Variants in NBEAL1 observed in about 807,000 individuals in gnomAD.
The protein encoded by NBEAL1 is neurobeachin-like protein 1.
In NBEAL1, 273 loss-of-function variants were observed where a neutral mutation model predicts 351.3. The observed-to-expected ratio is 0.78, with a 90% CI of 0.70 to 0.86. The LOEUF is 0.86. Ranked by LOEUF, NBEAL1 falls within the 40% of genes least tolerant of loss-of-function variation. The probability of loss-of-function intolerance (pLI) is 0.00; values close to 1 mark genes in which losing one functional copy is unlikely to be tolerated. For missense variants in NBEAL1, 2,961 were observed against 3,201.3 expected (o/e 0.92, Z 1.81); for synonymous variants, 1,050 against 1,086.4 (o/e 0.97, Z 0.66).
chr2:203,032,437 C>G (rs1015574383), intron 2 of NBEAL1, among the ~76,000 whole-genome samples: 1 of 151,748 alleles, frequency 6.6e-6, no homozygotes. Context: ...GCGGGCAGAT[C>G]ATGGGGTCAG....
At chr2:203,169,402 A>AC (rs2064248083) in intron 38 of NBEAL1, among the ~76,000 whole-genome samples, 2 of 150,658 alleles carry the variant, frequency 1.3e-5, no homozygotes, top group Admixed American at 6.6e-5. Context: ...AAAAAAAAAA[A>AC]AAAAAAAAAC....
intron 47 of NBEAL1, 114 bp from the exon 48 acceptor site, chr2:203,197,188 A>G (rs997050685): frequency 2.8e-5 from 16 of 578,918 alleles, no homozygotes; most frequent in Admixed American, 1.2e-4. Context: ...AGATGTTTCA[A>G]GAGAGTAAAA....
chr2:203,213,699 T>G, intron 55 of NBEAL1, 46 bp downstream of exon 55: 1 of 1,609,872 alleles, frequency 6.2e-7, no homozygotes, highest in Non-Finnish European at 8.5e-7. Flanking sequence ...TGTTGGGGAT[T>G]ACTTTGGTTC....
chr2:203,202,286 A>G (rs2065422109), intron 50 of NBEAL1, among the ~76,000 whole-genome samples: 2 of 152,196 alleles, frequency 1.3e-5, no homozygotes, highest in South Asian at 2.1e-4. Flanking sequence ...ATAGTATAGT[A>G]TGTGCAGTTT....
intron 40 of NBEAL1, 65 bp downstream of exon 40, chr2:203,172,088 A>T (rs1170514131): frequency 1.4e-6 from 1 of 717,792 alleles, no homozygotes; most frequent in Non-Finnish European, 2.1e-6. Flanking sequence ...ACATAAGTAT[A>T]TACATGATAC....
chr2:203,083,185 T>G, intron 8 of NBEAL1, 34 bp from the exon 9 acceptor site: 2 of 1,506,938 alleles, frequency 1.3e-6, no homozygotes, highest in Non-Finnish European at 1.8e-6. Flanking sequence ...TTCATTAGGT[T>G]TAGGTTTCAT....
intron 9 of NBEAL1, among the ~76,000 whole-genome samples, chr2:203,083,948 C>T (rs1020382253): frequency 1.4e-5 from 2 of 140,606 alleles, no homozygotes; most frequent in African/African-American, 5.4e-5. Context: ...AGAGGGCCTC[C>T]GTTTTTGTTT....
intron 4 of NBEAL1, 26 bp from the exon 5 acceptor site, chr2:203,056,401 A>T (rs1362015623): frequency 2.2e-6 from 3 of 1,342,004 alleles, no homozygotes; most frequent in Non-Finnish European, 3.1e-6. Flanking sequence ...TCTTATGTAA[A>T]AAATTAAAGT....
Position 203,183,264 on chromosome 2 carries a change from T to G in NBEAL1, c.6596-15T>G. On this transcript the variant is annotated splice_polypyrimidine_tract_variant and intron_variant, in intron 43 of 55. Transcript: ENST00000683969. ...TCTAAAATGATTTGATACATTTTCT[T>G]TTTACATGTCTTAGAATTTAACTTG... 1 of 1,391,094 alleles carries G rather than the reference T, an allele frequency of 7.2e-7. No individual in the cohort carries two copies. The allele number at this position is 1,391,094 out of a possible 1,614,324, so 86.2% of individuals were successfully genotyped here. A position where few individuals can be genotyped will look rare whatever the true frequency, so the allele number is the denominator to read the frequency against.
chr2:203,208,625 T>A lies in NBEAL1; in HGVS notation c.7507-12T>A, dbSNP rs1180831538. ...AACCACCTTTACCTTTGCTTTTCTCTTGTATTATTAGGGAGGTGTTCCTGT... is the reference window on the plus strand; with the variant it reads ...AACCACCTTTACCTTTGCTTTTCTCATGTATTATTAGGGAGGTGTTCCTGT... On this transcript the variant is annotated splice_polypyrimidine_tract_variant and intron_variant, in intron 51 of 55. Coordinates refer to ENST00000683969, the MANE Select transcript of NBEAL1 (RefSeq NM_001378026.1). 6.3e-7 allele frequency: 1 copy of A among 1,584,834 alleles called. No individual in the cohort carries two copies. The highest frequency in any genetic ancestry group is 1.8e-5 in the Admixed American group (1 of 57,058).
Position 203,135,921 on chromosome 2 carries a change from TG to T in NBEAL1, c.4059del (p.Ser1354LeufsTer13). 1 of 1,614,212 alleles carries T rather than the reference TG, an allele frequency of 6.2e-7. No homozygotes were observed. Among genetic ancestry groups the T allele is most frequent in the Non-Finnish European group, 8.5e-7 (1 of 1,180,024 alleles). ...ATCACCTCTTTTGCCTCAGCTAATG[TG>T]TCTTCGGATCAGTGGAGTTTGGAGG... ...EKITSFASAN[V>X]SSDQWSLEDR... On this transcript the variant is annotated frameshift_variant, in exon 28 of 56. Coordinates refer to ENST00000683969, the MANE Select transcript of NBEAL1 (RefSeq NM_001378026.1). LOFTEE classifies it high-confidence loss of function.
At chr2:203,155,837 A>G (rs1327086595) in intron 35 of NBEAL1, among the ~76,000 whole-genome samples, 1 of 151,986 alleles carries the variant, frequency 6.6e-6, no homozygotes, top group African/African-American at 2.4e-5. Context: ...TTTTTCCTGC[A>G]CACCTTTAAA....
chr2:203,104,331 G>A (rs1320688623), intron 12 of NBEAL1, among the ~76,000 whole-genome samples: 2 of 152,158 alleles, frequency 1.3e-5, no homozygotes, highest in Non-Finnish European at 2.9e-5. Context: ...TTGGTTTAAA[G>A]TCTGTTTTGT....
intron 2 of NBEAL1, among the ~76,000 whole-genome samples, chr2:203,024,811 G>A (rs948043917): frequency 6.6e-6 from 1 of 151,816 alleles, no homozygotes; most frequent in Admixed American, 6.6e-5. Context: ...GTAGTGAGCC[G>A]AGATCGCACC....
intron 6 of NBEAL1, among the ~76,000 whole-genome samples, chr2:203,064,995 T>G (rs558058242): frequency 6.6e-6 from 1 of 152,312 alleles, no homozygotes; most frequent in Non-Finnish European, 1.5e-5. Context: ...CAGTGGCTCA[T>G]GCCTGTAATC....
intron 38 of NBEAL1, 22 bp downstream of exon 38, chr2:203,167,382 A>C (rs2064167789): frequency 1.3e-6 from 2 of 1,568,882 alleles, no homozygotes; most frequent in African/African-American, 1.4e-5. Flanking sequence ...GGTTTCAGGA[A>C]ATCCCAAAAT....
intron 11 of NBEAL1, among the ~76,000 whole-genome samples, chr2:203,099,301 G>A (rs1574967370): frequency 2.0e-5 from 3 of 151,534 alleles, no homozygotes; most frequent in African/African-American, 7.3e-5. Flanking sequence ...AAAGTAATAG[G>A]ATTTCCAATG....
chr2:203,057,733 A>G (rs1283064525), intron 6 of NBEAL1, among the ~76,000 whole-genome samples: 2 of 116,514 alleles, frequency 1.7e-5, no homozygotes, highest in African/African-American at 5.7e-5. Flanking sequence ...TACAGTATAC[A>G]TATTTTTCAA....
chr2:203,021,947 A>G (rs2060778919), intron 2 of NBEAL1, among the ~76,000 whole-genome samples: 1 of 151,684 alleles, frequency 6.6e-6, no homozygotes, highest in Non-Finnish European at 1.5e-5. Context: ...CCTACTCGGG[A>G]GGCTGAGGCA....
Sources: gnomAD v4.1 joint callset for allele counts (sites outside exome capture counted in the v4.1 genomes callset) on GRCh38, gnomAD v4.1.1 for gene constraint, MANE v1.5 for transcripts, NCBI Gene and HGNC (gene_info 2026-07-23, HGNC 2026-07-21) for gene names.